Variants in TDRD7 observed in about 807,000 individuals in gnomAD.
The protein encoded by TDRD7 is tudor domain-containing protein 7.
A neutral mutation model predicts 109.8 loss-of-function variants in TDRD7; 47 were observed. The ratio of observed to expected loss-of-function variants is 0.43; its 90% CI spans 0.34 to 0.55. The LOEUF is 0.55. Ranked by LOEUF, TDRD7 falls within the 20% of genes least tolerant of loss-of-function variation. The probability of loss-of-function intolerance (pLI) is 0.03; values close to 1 mark genes in which losing one functional copy is unlikely to be tolerated. For synonymous variants in TDRD7, 424 were observed against 457.3 expected (o/e 0.93, Z 0.93); for missense variants, 1,164 against 1,319.2 (o/e 0.88, Z 1.82).
chr9:97,448,763 T>C (rs897957422), intron 6 of TDRD7, among the ~76,000 whole-genome samples: 2 of 152,136 alleles, frequency 1.3e-5, no homozygotes, highest in Non-Finnish European at 2.9e-5. Context: ...TAAAATGAAA[T>C]TTAGAACTTA....
intron 1 of TDRD7, among the ~76,000 whole-genome samples, chr9:97,424,942 A>T (rs902123940): frequency 6.6e-6 from 1 of 151,528 alleles, no homozygotes; most frequent in Non-Finnish European, 1.5e-5. Context: ...GCATATTATT[A>T]TACCTTTTTA....
At chr9:97,463,729 A>G (rs1358038418) in intron 7 of TDRD7, among the ~76,000 whole-genome samples, 2 of 152,232 alleles carry the variant, frequency 1.3e-5, no homozygotes, top group African/African-American at 4.8e-5. Context: ...TCTGAGGACT[A>G]AAGCGCAAGA....
chr9:97,442,941 G>A (rs925681879), intron 6 of TDRD7, among the ~76,000 whole-genome samples: 6 of 152,220 alleles, frequency 3.9e-5, no homozygotes, highest in East Asian at 3.9e-4. Context: ...GGCTATGGGC[G>A]TTAGCCACTA....
At chr9:97,467,179 T>A (rs1828834170) in intron 8 of TDRD7, among the ~76,000 whole-genome samples, 1 of 152,192 alleles carries the variant, frequency 6.6e-6, no homozygotes, top group South Asian at 2.1e-4. Flanking sequence ...CCTTAGGAAG[T>A]TCAACAAAAG....
intron 4 of TDRD7, among the ~76,000 whole-genome samples, chr9:97,438,765 C>A (rs1828246355): frequency 6.6e-6 from 1 of 152,028 alleles, no homozygotes; most frequent in Non-Finnish European, 1.5e-5. Context: ...TCATTATGTA[C>A]CAAGATATAA....
intron 5 of TDRD7, 32 bp from the exon 6 acceptor site, chr9:97,441,626 T>C: frequency 6.6e-7 from 1 of 1,522,314 alleles, no homozygotes. Context: ...GTTAAGCATT[T>C]TGGTTAATTC....
chr9:97,493,256 T>C lies in TDRD7; in HGVS notation c.3077-2407T>C, dbSNP rs112351687. Reference sequence around the variant, plus strand: ...CCGATATTTCATGTAGGTTCTTTTCTATTTTCCCTAAGTGTCGGCCGGTCT... The same window carrying C: ...CCGATATTTCATGTAGGTTCTTTTCCATTTTCCCTAAGTGTCGGCCGGTCT... On this transcript the variant is annotated intron_variant, in intron 16 of 16. Coordinates refer to ENST00000355295, the MANE Select transcript of TDRD7 (RefSeq NM_014290.3). Among the ~76,000 whole-genome samples the C allele has an allele frequency of 6.6e-5, 10 of 152,286 alleles. 2 individuals are homozygous for C. Among genetic ancestry groups the C allele is most frequent in the African/African-American group, 2.4e-4 (10 of 41,564 alleles).
intron 1 of TDRD7, among the ~76,000 whole-genome samples, chr9:97,413,285 G>A (rs948240471): frequency 6.6e-6 from 1 of 152,224 alleles, no homozygotes; most frequent in Non-Finnish European, 1.5e-5. Flanking sequence ...GTTGCATACT[G>A]CAAATAATGT....
intron 16 of TDRD7, among the ~76,000 whole-genome samples, chr9:97,493,183 C>G (rs1829334487): frequency 6.6e-6 from 1 of 152,042 alleles, no homozygotes; most frequent in Non-Finnish European, 1.5e-5. Flanking sequence ...TTCAAGGTTC[C>G]CAGTGTATTG....
chr9:97,459,271 A>G (rs1034343334), intron 6 of TDRD7, among the ~76,000 whole-genome samples: 1 of 152,236 alleles, frequency 6.6e-6, no homozygotes, highest in South Asian at 2.1e-4. Context: ...ATAAATGAGC[A>G]TGACTGTGTT....
rs1328303699 is a variant in TDRD7 at position 97,460,516 on chromosome 9, G to A, written c.1194G>A (p.Gln398=). 3.1e-6 allele frequency: 5 copies of A among 1,614,070 alleles called. No homozygotes were observed. The highest frequency in any genetic ancestry group is 4.2e-6 in the Non-Finnish European group (5 of 1,180,042). The change falls in exon 7 of 17, where the codon CAG becomes CAA. Residue 398 remains glutamine, a synonymous_variant. Transcript: ENST00000355295. ...CSIDYISGNP[Q]KAILYAKLPL... ...TAGACTACATTTCTGGAAATCCCCA[G>A]AAGGCCATTCTCTATGCTAAACTTC...
At chr9:97,474,872 G>A (rs1382069537) in intron 11 of TDRD7, among the ~76,000 whole-genome samples, 1 of 152,196 alleles carries the variant, frequency 6.6e-6, no homozygotes, top group Non-Finnish European at 1.5e-5. Flanking sequence ...GGAAGATGAG[G>A]AGACTTCATC....
chr9:97,460,427 T>A lies in TDRD7; in HGVS notation c.1105T>A (p.Tyr369Asn), dbSNP rs747777898. The change falls in exon 7 of 17, where the codon TAC (tyrosine) becomes AAC (asparagine). Residue 369 changes from tyrosine to asparagine, a missense_variant. Physicochemically the swap from Tyr to Asn is moderately radical, Grantham distance 143 (BLOSUM62 -2). Around this residue, in one of 5 missense-constraint regions of TDRD7, gnomAD observed 407 missense variants for 394.0 expected, o/e 1.03. Transcript: ENST00000355295. ...ACTTCCGAAAGCATTTGAGGAAATG[T>A]ACAAAGTGAAATTCCCTGAGGATGC... ...SALPKAFEEM[Y>N]KVKFPEDALK... The A allele has an allele frequency of 6.2e-7, 1 of 1,614,236 alleles. No homozygotes were observed. The highest frequency in any genetic ancestry group is 8.5e-7 in the Non-Finnish European group (1 of 1,180,038).
chr9:97,476,892 T>C (rs1829031612), intron 12 of TDRD7, among the ~76,000 whole-genome samples: 1 of 152,226 alleles, frequency 6.6e-6, no homozygotes, highest in Non-Finnish European at 1.5e-5. Context: ...TAAATAAAAC[T>C]TGGTCATGTC....
At chr9:97,491,516 T>G (rs1279027433) in intron 16 of TDRD7, among the ~76,000 whole-genome samples, 1 of 152,222 alleles carries the variant, frequency 6.6e-6, no homozygotes. Context: ...TAAATAAGGC[T>G]TTTGTAATGT....
chr9:97,440,929 C>A (rs1015054349), intron 5 of TDRD7, among the ~76,000 whole-genome samples: 1 of 152,140 alleles, frequency 6.6e-6, no homozygotes, highest in Admixed American at 6.5e-5. Context: ...TTAACTCTCA[C>A]ATTCTAAGTT....
intron 9 of TDRD7, 29 bp downstream of exon 9, chr9:97,470,698 C>T (rs770389110): frequency 6.5e-7 from 1 of 1,535,984 alleles, no homozygotes; most frequent in Non-Finnish European, 9.0e-7. Context: ...AAAACTCTCT[C>T]CATTTCAATA....
chr9:97,487,086 CTTT>C, intron 15 of TDRD7, 83 bp from the exon 16 acceptor site: 1 of 1,412,666 alleles, frequency 7.1e-7, no homozygotes, highest in South Asian at 1.2e-5. Context: ...ATTAATTTTT[CTTT>C]TTATCATAAA....
chr9:97,413,877 A>G (rs561089637), intron 1 of TDRD7, among the ~76,000 whole-genome samples: 1 of 152,346 alleles, frequency 6.6e-6, no homozygotes, highest in Admixed American at 6.5e-5. Context: ...TACAGGTTGA[A>G]CATGGCTGAA....
Sources: allele counts gnomAD v4.1 joint callset (sites outside exome capture counted in the v4.1 genomes callset), GRCh38; gene constraint gnomAD v4.1.1; regional missense constraint gnomAD v4.1.1; transcripts MANE v1.5; gene names NCBI Gene and HGNC (gene_info 2026-07-23, HGNC 2026-07-21).